Variants in ADAMTS17 observed in about 807,000 individuals in gnomAD.
ADAMTS17 encodes ADAM metallopeptidase with thrombospondin type 1 motif 17.
ADAMTS17 carries 113 observed loss-of-function variants against 141.5 expected under a neutral mutation model. The observed-to-expected ratio is 0.80, with a 90% confidence interval of 0.69 to 0.93. The LOEUF (loss-of-function observed/expected upper bound fraction) is 0.93. Among genes scored for constraint, ADAMTS17 ranks in the 40% least tolerant of loss-of-function variants. ADAMTS17 has a pLI of 0.00. For missense variants in ADAMTS17, 1,659 were observed against 1,517.9 expected, an observed-to-expected ratio of 1.09 and a Z score of -1.54; for synonymous variants, 768 against 630.6, an observed-to-expected ratio of 1.22 and a Z score of -3.27.
rs564729363 is a variant in ADAMTS17, at chr15:100,096,707, G to A, written c.2017-231C>T. 3.1e-3 allele frequency among the ~76,000 whole-genome samples: 70 copies of A among 22,430 alleles called. 1 individual carries two copies. Among genetic ancestry groups the A allele is most frequent in the African/African-American group, 9.0e-3 (65 of 7,224 alleles). 14.7% of individuals were successfully genotyped at this position (22,430 alleles called of 152,430 possible). ...CGCATAGCTGTAAAGTCTATTTTTT[G>A]GTATTTGTTCTGGAGGGAGATCCAT... On this transcript the variant is annotated intron_variant, in intron 14 of 21. Coordinates refer to ENST00000268070, the MANE Select transcript of ADAMTS17 (RefSeq NM_139057.4).
chr15:100,072,608 C>T (rs1369929949), intron 15 of ADAMTS17, among the ~76,000 whole-genome samples: 1 of 152,160 alleles, frequency 6.6e-6, no homozygotes, highest in Admixed American at 6.5e-5. Flanking sequence ...TACTGCACAT[C>T]TACAGCCATC....
chr15:100,144,523 C>A (rs556224847), intron 10 of ADAMTS17, among the ~76,000 whole-genome samples: 3 of 151,976 alleles, frequency 2.0e-5, no homozygotes, highest in Admixed American at 6.6e-5. Flanking sequence ...GCTCTCCAGC[C>A]TGGGTGACAG....
intron 7 of ADAMTS17, among the ~76,000 whole-genome samples, chr15:100,248,008 G>A (rs76368618): frequency 0.15 from 22,315 of 152,032 alleles, 1,983 homozygotes; most frequent in Non-Finnish European, 0.2. Flanking sequence ...CAGGGGTGAC[G>A]CAAGGAGGGG....
chr15:99,997,087 G>A lies in ADAMTS17; in HGVS notation c.2796+298C>T, dbSNP rs2060816925. Among the ~76,000 whole-genome samples the A allele has an allele frequency of 6.6e-6, 1 of 152,198 alleles. No individual in the cohort carries two copies. The highest frequency in any genetic ancestry group is 1.5e-5 in the Non-Finnish European group (1 of 68,040). On this transcript the variant is annotated intron_variant, in intron 19 of 21. Transcript: ENST00000268070. This position sits in a 1 kb window ranked among gnomAD's most constrained non-coding sequence, Gnocchi z 4.7. ...ACCACAGTTAAATACACCCAAAGGA[G>A]AATTAAAAAGTCGGTCAGTATCTGT... is the stretch of plus-strand genomic sequence containing the variant.
intron 7 of ADAMTS17, among the ~76,000 whole-genome samples, chr15:100,235,417 T>G (rs1020490037): frequency 3.9e-5 from 6 of 152,028 alleles, no homozygotes; most frequent in Non-Finnish European, 8.8e-5. Context: ...ATACGGCCAG[T>G]AGAGTTGAGC....
At chr15:99,998,888 G>A (rs1175072450) in intron 18 of ADAMTS17, among the ~76,000 whole-genome samples, 1 of 152,218 alleles carries the variant, frequency 6.6e-6, no homozygotes, top group Non-Finnish European at 1.5e-5. Flanking sequence ...AGCTTGACCT[G>A]TGCACTGCCA....
At chr15:100,334,847 G>A (rs2141971510) in intron 2 of ADAMTS17, among the ~76,000 whole-genome samples, 1 of 152,296 alleles carries the variant, frequency 6.6e-6, no homozygotes, top group Non-Finnish European at 1.5e-5. Context: ...GTCAGTGCCA[G>A]CCAGCCAAAA....
chr15:100,252,884 T>C (rs1596366734), intron 7 of ADAMTS17, among the ~76,000 whole-genome samples: 1 of 152,116 alleles, frequency 6.6e-6, no homozygotes, highest in Non-Finnish European at 1.5e-5. Context: ...ATATTAGATT[T>C]TGAAGGGTCT....
At chr15:100,088,644 A>G (rs1316235748) in intron 15 of ADAMTS17, among the ~76,000 whole-genome samples, 7 of 150,750 alleles carry the variant, frequency 4.6e-5, no homozygotes, top group Admixed American at 2.6e-4. Flanking sequence ...AAACAGAGAT[A>G]TAGACCAATG....
intron 18 of ADAMTS17, among the ~76,000 whole-genome samples, chr15:100,038,053 C>T (rs1376920581): frequency 1.3e-5 from 2 of 152,132 alleles, no homozygotes; most frequent in South Asian, 2.1e-4. Context: ...TGAGCCAATG[C>T]GCCCCACCTC....
At chr15:100,069,718 T>G (rs2033828852) in intron 15 of ADAMTS17, among the ~76,000 whole-genome samples, 1 of 151,598 alleles carries the variant, frequency 6.6e-6, no homozygotes, top group Non-Finnish European at 1.5e-5. Flanking sequence ...CCACCAGGCC[T>G]GCCCTACAAG....
chr15:100,187,381 G>A (rs2040756526), intron 8 of ADAMTS17, among the ~76,000 whole-genome samples: 1 of 152,170 alleles, frequency 6.6e-6, no homozygotes, highest in Non-Finnish European at 1.5e-5. Context: ...CCTTTCACAA[G>A]GAAATGAACT....
intron 14 of ADAMTS17, among the ~76,000 whole-genome samples, chr15:100,099,960 G>T (rs1226750745): frequency 6.6e-6 from 1 of 152,180 alleles, no homozygotes; most frequent in Non-Finnish European, 1.5e-5. Flanking sequence ...CCCTGTTGAA[G>T]ATAACCAGGG....
chr15:100,131,094 A>G (rs1033060293), intron 12 of ADAMTS17, among the ~76,000 whole-genome samples: 1 of 152,198 alleles, frequency 6.6e-6, no homozygotes, highest in Non-Finnish European at 1.5e-5. Context: ...GAAAAACATC[A>G]TTCTCAGCAA....
At chr15:100,331,085 C>CG in intron 2 of ADAMTS17, 31 bp from the exon 3 acceptor site, 1 of 1,613,456 alleles carries the variant, frequency 6.2e-7, no homozygotes, top group Non-Finnish European at 8.5e-7. Flanking sequence ...AACGCGATGT[C>CG]GGTCATCCTC....
chr15:100,102,365 C>T lies in ADAMTS17; in HGVS notation c.2017-5889G>A, dbSNP rs187530786. ...AGGGGATCTACATTTGAGGGCCAACCGAAGGGGATCTACATTTGAGGGCCG... is the reference window on the plus strand; with the variant it reads ...AGGGGATCTACATTTGAGGGCCAACTGAAGGGGATCTACATTTGAGGGCCG... On this transcript the variant is annotated intron_variant, in intron 14 of 21. Coordinates refer to ENST00000268070, the MANE Select transcript of ADAMTS17 (RefSeq NM_139057.4). 8.5e-3 allele frequency among the ~76,000 whole-genome samples: 1,018 copies of T among 119,558 alleles called. 38 individuals are homozygous for T. Among genetic ancestry groups the T allele is most frequent in the African/African-American group, 0.032 (920 of 28,400 alleles). The allele number at this position is 119,558 out of a possible 152,430, so 78.4% of individuals were successfully genotyped here. A position where few individuals can be genotyped will look rare whatever the true frequency, so the allele number is the denominator to read the frequency against.
At chr15:100,151,588 T>G (rs1388333629) in intron 10 of ADAMTS17, among the ~76,000 whole-genome samples, 1 of 152,182 alleles carries the variant, frequency 6.6e-6, no homozygotes, top group African/African-American at 2.4e-5. Flanking sequence ...AGTGCTGGAA[T>G]AGCCCTCCCT....
Position 99,974,399 on chromosome 15 carries a change from G to A in ADAMTS17, c.*3C>T, listed in dbSNP as rs1180083966. On this transcript the variant is annotated 3_prime_UTR_variant, in exon 22 of 22. Coordinates refer to ENST00000268070, the MANE Select transcript of ADAMTS17 (RefSeq NM_139057.4). Reference sequence around the variant, plus strand: ...AGCTTTGAGCGACCCTTGGGACTGCGTGTCACGAGTTCGGCGGTGGCTGGC... The same window carrying A: ...AGCTTTGAGCGACCCTTGGGACTGCATGTCACGAGTTCGGCGGTGGCTGGC... 24 of 1,614,148 alleles carry A rather than the reference G, an allele frequency of 1.5e-5. No individual in the cohort carries two copies. The highest frequency in any genetic ancestry group is 1.8e-5 in the Non-Finnish European group (21 of 1,180,040).
At chr15:100,189,249 T>C (rs2040831984) in intron 8 of ADAMTS17, among the ~76,000 whole-genome samples, 1 of 152,262 alleles carries the variant, frequency 6.6e-6, no homozygotes. Context: ...AGGCATGGGA[T>C]GTAGGAGTTT....
Sources: gnomAD v4.1 joint callset for allele counts (sites outside exome capture counted in the v4.1 genomes callset) on GRCh38, gnomAD v4.1.1 for gene constraint, Gnocchi (gnomAD v3.1) non-coding constraint, MANE v1.5 for transcripts, NCBI Gene and HGNC (gene_info 2026-07-23, HGNC 2026-07-21) for gene names.